SVEP1: variants seen among roughly 807,000 people sequenced by gnomAD.
The protein encoded by SVEP1 is sushi, von Willebrand factor type A, EGF and pentraxin domain-containing protein 1.
In SVEP1, 164 loss-of-function variants were observed where a neutral mutation model predicts 367.3. That is an observed-to-expected ratio of 0.45 (90% CI 0.39 to 0.51). SVEP1 has a LOEUF of 0.51. SVEP1 is among the 20% of genes least tolerant of loss of function. The pLI is 0.00. For synonymous variants in SVEP1, 1,666 were observed against 1,611.6 expected, an observed-to-expected ratio of 1.03 and a Z score of -0.81; for missense variants, 4,117 against 4,425.3, an observed-to-expected ratio of 0.93 and a Z score of 1.98.
At chr9:110,522,802 T>C (rs994894476) in intron 3 of SVEP1, among the ~76,000 whole-genome samples, 2 of 152,192 alleles carry the variant, frequency 1.3e-5, no homozygotes, top group Admixed American at 1.3e-4. Context: ...CTACCTCACA[T>C]TCAATAAGAA....
At position 110,513,111 on chromosome 9, in the gene SVEP1, A is replaced by G; in HGVS notation, c.1124-6T>C. ...CAGGGCAGGGCAGTGGACAACTAAC[A>G]TTTACAAAAATAAAATTGAAAAGCA... On this transcript the variant is annotated splice_polypyrimidine_tract_variant and splice_region_variant and intron_variant, in intron 4 of 47. Transcript: ENST00000374469. 3.1e-6 allele frequency: 5 copies of G among 1,591,736 alleles called. No individual in the cohort carries two copies. Among genetic ancestry groups the G allele is most frequent in the Non-Finnish European group, 4.3e-6 (5 of 1,169,812 alleles).
In SVEP1 at chr9:110,388,455, C is replaced by A. The variant is rs147460520; in HGVS notation, c.9887-997G>T. Among the ~76,000 whole-genome samples the A allele has an allele frequency of 2.2e-4, 34 of 152,252 alleles. No individual in the cohort carries two copies. In the East Asian group the frequency reaches 6.2e-3, roughly 28 times the overall value. ...GCCGTACCTTAGAGAACCTGGGAAG[C>A]ATTTATGGCCTATCACAGACCAAAT... On this transcript the variant is annotated intron_variant, in intron 41 of 47. Coordinates refer to ENST00000374469, the MANE Select transcript of SVEP1 (RefSeq NM_153366.4).
chr9:110,430,589 GC>G, intron 32 of SVEP1, 139 bp from the exon 33 acceptor site: 1 of 794,948 alleles, frequency 1.3e-6, no homozygotes, highest in Non-Finnish European at 2.0e-6. Flanking sequence ...ATGCATGAGG[GC>G]CCAGAGACAC....
intron 26 of SVEP1, among the ~76,000 whole-genome samples, chr9:110,445,089 A>G (rs1441445864): frequency 6.6e-6 from 1 of 152,196 alleles, no homozygotes; most frequent in Non-Finnish European, 1.5e-5. Flanking sequence ...ACAGAATCTA[A>G]CCACACGGAA....
intron 9 of SVEP1, among the ~76,000 whole-genome samples, chr9:110,485,954 G>T (rs1404452492): frequency 6.6e-6 from 1 of 152,164 alleles, no homozygotes; most frequent in Admixed American, 6.5e-5. Context: ...TGTTATTAGT[G>T]CAGACCTTAG....
intron 6 of SVEP1, among the ~76,000 whole-genome samples, chr9:110,500,206 CTT>C (rs1829511354): frequency 1.3e-5 from 2 of 152,104 alleles, no homozygotes; most frequent in Admixed American, 1.3e-4. Flanking sequence ...TGGTTTGTCT[CTT>C]TATTTCTGCA....
intron 3 of SVEP1, among the ~76,000 whole-genome samples, chr9:110,539,575 ATAT>A (rs1296443090): frequency 2.0e-5 from 3 of 151,762 alleles, no homozygotes; most frequent in South Asian, 2.1e-4. Context: ...AATATTGATA[ATAT>A]TATAAGGGAC....
intron 18 of SVEP1, among the ~76,000 whole-genome samples, chr9:110,462,725 CAG>C (rs147630659): frequency 5.4e-5 from 8 of 149,428 alleles, no homozygotes; most frequent in Admixed American, 6.7e-5. Flanking sequence ...GACAGAGAGA[CAG>C]AGAGAGAGAG....
At chr9:110,468,782 TG>T (rs1828975496) in intron 17 of SVEP1, among the ~76,000 whole-genome samples, 157 bp downstream of exon 17, 1 of 152,348 alleles carries the variant, frequency 6.6e-6, no homozygotes, top group African/African-American at 2.4e-5. Flanking sequence ...AAACTTATAT[TG>T]AATAAATGTG....
intron 27 of SVEP1, among the ~76,000 whole-genome samples, chr9:110,441,548 G>C (rs199636359): frequency 1.3e-5 from 2 of 152,192 alleles, no homozygotes; most frequent in Admixed American, 6.5e-5. Context: ...CTGGATTGGC[G>C]CTTGGCAAAT....
At chr9:110,511,405 AT>A (rs1178895571) in intron 5 of SVEP1, among the ~76,000 whole-genome samples, 2 of 134,982 alleles carry the variant, frequency 1.5e-5, no homozygotes, top group African/African-American at 5.6e-5. Context: ...GATTTTTTTG[AT>A]TGACCTTCAA....
chr9:110,545,218 C>T (rs1402048941), intron 3 of SVEP1, among the ~76,000 whole-genome samples: 4 of 152,172 alleles, frequency 2.6e-5, no homozygotes, highest in South Asian at 2.1e-4. Flanking sequence ...AATGGTGGTA[C>T]AAGAAACATG....
rs1324431766 is a variant in SVEP1 at position 110,406,878 on chromosome 9, C to T, written c.8722G>A (p.Gly2908Ser). The T allele has an allele frequency of 6.2e-7, 1 of 1,613,984 alleles. No individual in the cohort carries two copies. The highest frequency in any genetic ancestry group is 2.2e-5 in the East Asian group (1 of 44,884). Residue 2908 changes from glycine (G) to serine (S), a missense_variant, in exon 38 of 48, where the codon GGC becomes AGC. Transcript: ENST00000374469. The stretch of plus-strand genomic sequence containing the variant: ...TGGAATGTTACTTCCTTCATGAAGC[C>T]ATAGTCCAGGCCTTCCGTCACCCCA... Reference protein sequence around the residue: ...ANGVTEGLDYGFMKEVTFHCH... With the variant: ...ANGVTEGLDYSFMKEVTFHCH...
At chr9:110,465,047 T>A (rs527776826) in intron 18 of SVEP1, among the ~76,000 whole-genome samples, 1 of 149,582 alleles carries the variant, frequency 6.7e-6, no homozygotes, top group Admixed American at 6.6e-5. Flanking sequence ...AACTCTAATC[T>A]TTTTTTTTCT....
At chr9:110,443,356 C>T (rs979179171) in intron 27 of SVEP1, 189 bp downstream of exon 27, 7 of 471,808 alleles carry the variant, frequency 1.5e-5, no homozygotes, top group African/African-American at 1.2e-4. Context: ...CACAGAGAGG[C>T]AAACAGCTTA....
chr9:110,520,792 G>A (rs1016296026), intron 3 of SVEP1, among the ~76,000 whole-genome samples: 3 of 151,994 alleles, frequency 2.0e-5, no homozygotes, highest in African/African-American at 7.3e-5. Flanking sequence ...TAAATATTAG[G>A]AGCCTTTATT....
chr9:110,491,001 T>C (rs2118728129), intron 8 of SVEP1, among the ~76,000 whole-genome samples: 1 of 152,118 alleles, frequency 6.6e-6, no homozygotes, highest in African/African-American at 2.4e-5. Context: ...CCAAAAATAT[T>C]TGATGGTAGT....
At position 110,375,465 on chromosome 9, in the gene SVEP1, TAAAAAAAAAA is replaced by T. The variant is rs71373993; in HGVS notation, c.10505-12_10505-3del. 144 of 557,880 alleles carry T rather than the reference TAAAAAAAAAA, an allele frequency of 2.6e-4. 1 individual carries two copies. Among genetic ancestry groups the T allele is most frequent in the African/African-American group, 2.2e-3 (82 of 37,116 alleles). The allele number at this position is 557,880 out of a possible 1,614,324, so 34.6% of individuals were successfully genotyped here. ...TCAGACAGGGAAGAATGCAGATTGCTAAAAAAAAAAAAAAAAAAAAAAAAAGGAGGCAGGG... is the reference window on the plus strand; with the variant it reads ...TCAGACAGGGAAGAATGCAGATTGCTAAAAAAAAAAAAAAAGGAGGCAGGG... On this transcript the variant is annotated splice_region_variant and splice_polypyrimidine_tract_variant and intron_variant, in intron 45 of 47. Coordinates refer to ENST00000374469, the MANE Select transcript of SVEP1 (RefSeq NM_153366.4).
At chr9:110,505,609 T>C (rs949614689) in intron 5 of SVEP1, among the ~76,000 whole-genome samples, 3 of 152,138 alleles carry the variant, frequency 2.0e-5, no homozygotes, top group Admixed American at 1.3e-4. Context: ...TTCTCTCTCC[T>C]TCCTTCCTAA....
Sources: allele counts gnomAD v4.1 joint callset (sites outside exome capture counted in the v4.1 genomes callset), GRCh38; gene constraint gnomAD v4.1.1; transcripts MANE v1.5; gene names NCBI Gene and HGNC (gene_info 2026-07-23, HGNC 2026-07-21).